Variants in THAP6 observed in about 807,000 individuals in gnomAD.
THAP6 encodes the protein THAP domain containing 6.
In THAP6, 13 loss-of-function variants were observed where a neutral mutation model predicts 20.0. The observed-to-expected ratio is 0.65, with a 90% CI of 0.42 to 1.03. The LOEUF (loss-of-function observed/expected upper bound fraction) is 1.03, where lower values mean the gene tolerates loss of function less well. Ranked by LOEUF, THAP6 falls within the 50% of genes least tolerant of loss-of-function variation. The probability of loss-of-function intolerance (pLI) is 0.00; values close to 1 mark genes in which losing one functional copy is unlikely to be tolerated. For synonymous variants in THAP6, 93 were observed against 92.2 expected, an observed-to-expected ratio of 1.01 and a Z score of -0.05; for missense variants, 262 against 261.6, an observed-to-expected ratio of 1.00 and a Z score of -0.01.
downstream of THAP6, among the ~76,000 whole-genome samples, chr4:75,533,246 C>T (rs1471351497): frequency 3.3e-5 from 5 of 152,180 alleles, no homozygotes; most frequent in South Asian, 2.1e-4. Context: ...AGGGCAGGGG[C>T]AAAATGCTGC....
intron 2 of THAP6, chr4:75,539,929 G>T: frequency 6.5e-7 from 1 of 1,536,038 alleles, no homozygotes; most frequent in Admixed American, 2.0e-5. Flanking sequence ...ATTTCATAGG[G>T]AATGGCAAGT....
rs753918025 is a variant in THAP6 at position 75,515,428 on chromosome 4, T to C, written c.-20-5T>C. On this transcript the variant is annotated splice_region_variant and splice_polypyrimidine_tract_variant and intron_variant, in intron 1 of 4. Coordinates refer to ENST00000311638, the MANE Select transcript of THAP6 (RefSeq NM_144721.6). ...CTAACTCTTAACATTCTAATTTTCT[T>C]TCAGTTTTGTTATGAGTTGCTAAAA... The C allele has an allele frequency of 2.5e-6, 4 of 1,609,296 alleles. No homozygotes were observed. In the African/African-American group the frequency reaches 5.3e-5, roughly 21 times the overall value.
intron 3 of THAP6, chr4:75,544,254 A>C (rs941639549): frequency 6.6e-6 from 1 of 152,178 alleles, no homozygotes; most frequent in Non-Finnish European, 1.5e-5. Context: ...CAAACAACAT[A>C]TAATCTGTAG....
chr4:75,522,605 C>T (rs945232888), intron 4 of THAP6: 4 of 152,094 alleles, frequency 2.6e-5, no homozygotes, highest in African/African-American at 7.2e-5. Flanking sequence ...CTTTCCCAAT[C>T]TCTCGTAACC....
intron 3 of THAP6, among the ~76,000 whole-genome samples, chr4:75,545,739 C>CA (rs776764546): frequency 1.1e-4 from 16 of 152,224 alleles, no homozygotes; most frequent in Non-Finnish European, 2.1e-4. Flanking sequence ...CTCTCCCAGG[C>CA]AGCGTCCGCA....
At chr4:75,538,528 G>A (rs777564097) in intron 2 of THAP6, among the ~76,000 whole-genome samples, 1 of 152,092 alleles carries the variant, frequency 6.6e-6, no homozygotes. Context: ...GAAGATGAGA[G>A]GTATAATTGG....
chr4:75,529,076 A>G lies in THAP6; in HGVS notation c.*1862A>G. The G allele has an allele frequency of 1.1e-6, 1 of 952,330 alleles. No homozygotes were observed. Among genetic ancestry groups the G allele is most frequent in the Non-Finnish European group, 1.3e-6 (1 of 799,864 alleles). 59.0% of individuals were successfully genotyped at this position (952,330 alleles called of 1,614,324 possible). ...TCAAAAAAACAAAACTACTTTCATT[A>G]ATTACCCATTATTTATTTTAGTTAC... is the stretch of plus-strand genomic sequence containing the variant. On this transcript the variant is annotated 3_prime_UTR_variant, in exon 5 of 5. Transcript: ENST00000311638.
At chr4:75,542,489 G>A (rs1415007560) in intron 3 of THAP6, 5 of 701,786 alleles carry the variant, frequency 7.1e-6, no homozygotes, top group Non-Finnish European at 1.3e-5. Flanking sequence ...TTTATAAGGT[G>A]CCAATCTTTA....
At chr4:75,533,921 G>A (rs942081923), downstream of THAP6, among the ~76,000 whole-genome samples, 8 of 112,456 alleles carry the variant, frequency 7.1e-5, no homozygotes, top group Admixed American at 1.1e-4. Context: ...TCCCCCCACC[G>A]CACAACAGGC....
intron 4 of THAP6, among the ~76,000 whole-genome samples, chr4:75,526,213 A>G (rs1368256097): frequency 1.3e-5 from 2 of 152,026 alleles, no homozygotes; most frequent in Admixed American, 6.5e-5. Context: ...CCAAATATCC[A>G]TTATCTTAAG....
intron 3 of THAP6, among the ~76,000 whole-genome samples, chr4:75,519,575 G>A (rs1240274523): frequency 2.0e-5 from 3 of 150,726 alleles, no homozygotes; most frequent in Non-Finnish European, 2.9e-5. Context: ...GAGAATACGC[G>A]GTGTTTGGTT....
chr4:75,518,722 G>A (rs1725821878), intron 3 of THAP6, among the ~76,000 whole-genome samples: 1 of 152,146 alleles, frequency 6.6e-6, no homozygotes, highest in Admixed American at 6.5e-5. Flanking sequence ...CTACACCGTA[G>A]CTTTCAAACT....
At chr4:75,545,931 G>C (rs1351413523) in intron 3 of THAP6, among the ~76,000 whole-genome samples, 1 of 152,186 alleles carries the variant, frequency 6.6e-6, no homozygotes, top group African/African-American at 2.4e-5. Context: ...GTGAGAGGCA[G>C]CTCTGCGGGC....
chr4:75,523,551 C>T (rs1262313686), intron 4 of THAP6, among the ~76,000 whole-genome samples: 2 of 152,038 alleles, frequency 1.3e-5, no homozygotes, highest in Non-Finnish European at 1.5e-5. Context: ...TGCCTGTAAT[C>T]CCAGCACTTT....
At chr4:75,545,546 CA>C (rs1205460026) in intron 3 of THAP6, among the ~76,000 whole-genome samples, 2 of 152,150 alleles carry the variant, frequency 1.3e-5, no homozygotes, top group Admixed American at 1.3e-4. Flanking sequence ...TTAGATCCCC[CA>C]AAAGAGCACC....
At chr4:75,530,878 A>G (rs1018214209), downstream of THAP6, among the ~76,000 whole-genome samples, 6 of 152,074 alleles carry the variant, frequency 3.9e-5, no homozygotes, top group African/African-American at 1.4e-4. Flanking sequence ...GTCTGTCTAA[A>G]TTTTGCAGGG....
chr4:75,519,143 C>T (rs7674907), intron 3 of THAP6, among the ~76,000 whole-genome samples: 3,890 of 152,222 alleles, frequency 0.026, 150 homozygotes, highest in African/African-American at 0.089. Context: ...ACTCTGGCTT[C>T]TTTAGCTCAA....
Position 75,527,699 on chromosome 4 carries a change from CAGT to C in THAP6, c.*490_*492del, listed in dbSNP as rs1424281685. On this transcript the variant is annotated 3_prime_UTR_variant, in exon 5 of 5. Transcript: ENST00000311638. Reference sequence around the variant, plus strand: ...ATTCAATCCAAGGTGCTTTAGCTATCAGTAGTACCAAAGGATCTTTTTACAAGG... The same window carrying C: ...ATTCAATCCAAGGTGCTTTAGCTATCAGTACCAAAGGATCTTTTTACAAGG... 5.0e-6 allele frequency: 5 copies of C among 990,918 alleles called. No homozygotes were observed. The highest frequency in any genetic ancestry group is 6.0e-6 in the Non-Finnish European group (5 of 833,218). The allele number at this position is 990,918 out of a possible 1,614,324, so 61.4% of individuals were successfully genotyped here. A position where few individuals can be genotyped will look rare whatever the true frequency, so the allele number is the denominator to read the frequency against.
intron 2 of THAP6, among the ~76,000 whole-genome samples, chr4:75,541,018 A>C (rs977944834): frequency 1.3e-5 from 2 of 152,228 alleles, no homozygotes; most frequent in Admixed American, 1.3e-4. Context: ...TGTAACCAGA[A>C]ACAAGACATG....
Sources: allele counts gnomAD v4.1 joint callset (sites outside exome capture counted in the v4.1 genomes callset), GRCh38; gene constraint gnomAD v4.1.1; transcripts MANE v1.5; gene names NCBI Gene and HGNC (gene_info 2026-07-23, HGNC 2026-07-21).